The following QTMAN variants were observed in gnomAD, a reference collection of about 807,000 sequenced individuals.
QTMAN encodes tRNA-queuosine alpha-mannosyltransferase.
chr2:144,175,292 T>C, the QTMAN span, among the ~76,000 whole-genome samples: 1 of 151,998 alleles, frequency 6.6e-6, no homozygotes, highest in Non-Finnish European at 1.5e-5. Context: ...CCTCAAGCAA[T>C]AGAGAACCTA....
the QTMAN span, among the ~76,000 whole-genome samples, chr2:144,019,587 C>T: frequency 2.0e-5 from 3 of 151,704 alleles, no homozygotes; most frequent in South Asian, 2.1e-4. Flanking sequence ...ACTTGTGGAG[C>T]GAAACTGAAA....
At chr2:144,141,998 A>C in the QTMAN span, 1 of 1,610,480 alleles carries the variant, frequency 6.2e-7, no homozygotes, top group Admixed American at 1.7e-5. Context: ...TTCCCATGGA[A>C]GTGAGAAATG....
chr2:143,956,681 G>A, the QTMAN span, among the ~76,000 whole-genome samples: 1 of 152,040 alleles, frequency 6.6e-6, no homozygotes, highest in Admixed American at 6.6e-5. Context: ...TCATTTATCT[G>A]GGGCCTTGCT....
At chr2:144,241,490 T>C in the QTMAN span, among the ~76,000 whole-genome samples, 1 of 152,230 alleles carries the variant, frequency 6.6e-6, no homozygotes. Flanking sequence ...GTTTGTCAGA[T>C]AGATATCATT....
At chr2:144,067,307 C>T in the QTMAN span, among the ~76,000 whole-genome samples, 1 of 152,192 alleles carries the variant, frequency 6.6e-6, no homozygotes, top group Non-Finnish European at 1.5e-5. Context: ...TTTAAATTGG[C>T]TCTTAAAAAT....
chr2:144,251,301 C>T, the QTMAN span, among the ~76,000 whole-genome samples: 2 of 152,064 alleles, frequency 1.3e-5, no homozygotes, highest in South Asian at 4.1e-4. Context: ...ACACAGTAAT[C>T]AAGACAGTGG....
the QTMAN span, among the ~76,000 whole-genome samples, chr2:144,282,277 G>A: frequency 6.6e-6 from 1 of 151,558 alleles, no homozygotes; most frequent in East Asian, 1.9e-4. Context: ...TGCTGGTCGG[G>A]GACCAAATTC....
At chr2:144,289,127 G>A in the QTMAN span, among the ~76,000 whole-genome samples, 60 of 146,290 alleles carry the variant, frequency 4.1e-4, 2 homozygotes, top group South Asian at 8.1e-3. Context: ...TCCGCCTCCC[G>A]GGTTCACGCC....
the QTMAN span, among the ~76,000 whole-genome samples, chr2:144,172,741 A>G: frequency 6.6e-6 from 1 of 152,090 alleles, no homozygotes; most frequent in Non-Finnish European, 1.5e-5. Flanking sequence ...AAAAATACTA[A>G]GATAAATATT....
At chr2:144,098,115 T>C in the QTMAN span, among the ~76,000 whole-genome samples, 37 of 152,300 alleles carry the variant, frequency 2.4e-4, no homozygotes, top group South Asian at 1.2e-3. Context: ...CCACACTGAA[T>C]TGACAATGAG....
chr2:144,073,040 G>C, the QTMAN span, among the ~76,000 whole-genome samples: 2 of 151,950 alleles, frequency 1.3e-5, no homozygotes, highest in Non-Finnish European at 2.9e-5. Flanking sequence ...CCCTGGGTGA[G>C]GTCTGTGAGA....
the QTMAN span, among the ~76,000 whole-genome samples, chr2:144,012,642 T>C: frequency 1.5e-3 from 228 of 152,256 alleles, no homozygotes; most frequent in South Asian, 3.5e-3. Context: ...TTTTGAGAGA[T>C]TTTAATAAAA....
At chr2:144,061,425 T>G in the QTMAN span, among the ~76,000 whole-genome samples, 2 of 152,200 alleles carry the variant, frequency 1.3e-5, no homozygotes. Context: ...GGAAAATAAG[T>G]CTCCAATTTG....
the QTMAN span, among the ~76,000 whole-genome samples, chr2:144,226,297 TC>T: frequency 2.6e-5 from 4 of 152,170 alleles, no homozygotes; most frequent in African/African-American, 9.7e-5. Flanking sequence ...CAAACATTTA[TC>T]AAGTGCATAC....
At chr2:144,314,421 G>C in the QTMAN span, among the ~76,000 whole-genome samples, 2 of 152,146 alleles carry the variant, frequency 1.3e-5, no homozygotes, top group African/African-American at 4.8e-5. Flanking sequence ...TAGAAACAGT[G>C]CATTAAGGGG....
chr2:144,159,707 T>C, the QTMAN span, among the ~76,000 whole-genome samples: 2 of 152,110 alleles, frequency 1.3e-5, no homozygotes, highest in Admixed American at 6.6e-5. Context: ...ACTGGATCTG[T>C]AGTTTTTCAA....
At chr2:144,080,548 T>C in the QTMAN span, among the ~76,000 whole-genome samples, 3 of 152,188 alleles carry the variant, frequency 2.0e-5, no homozygotes, top group African/African-American at 7.2e-5. Context: ...TCAGCATTGT[T>C]ATTATGTCTC....
At chr2:144,177,022 T>C in the QTMAN span, 1 of 630,702 alleles carries the variant, frequency 1.6e-6, no homozygotes, top group African/African-American at 1.8e-5. Flanking sequence ...GAGAGAGTGG[T>C]GGGAGGTGCC....
chr2:144,289,307 G>A, the QTMAN span, among the ~76,000 whole-genome samples: 4 of 152,160 alleles, frequency 2.6e-5, no homozygotes, highest in African/African-American at 7.2e-5. Flanking sequence ...AATTACAGGC[G>A]TGAGCCACTG....
Sources: gnomAD v4.1 joint callset for allele counts (sites outside exome capture counted in the v4.1 genomes callset) on GRCh38, gnomAD v4.1.1 for gene constraint, MANE v1.5 for transcripts, NCBI Gene and HGNC (gene_info 2026-07-23, HGNC 2026-07-21) for gene names.